The following YWHAG variants were observed in gnomAD, a reference collection of about 807,000 sequenced individuals.
YWHAG encodes tyrosine 3-monooxygenase/tryptophan 5-monooxygenase activation protein gamma, also known as 14-3-3 protein gamma.
YWHAG carries 1 observed loss-of-function variant against 23.3 expected under a neutral mutation model. That is an observed-to-expected ratio of 0.04 (90% confidence interval 0.02 to 0.20). YWHAG has a LOEUF of 0.20. Among genes scored for constraint, YWHAG ranks in the 10% least tolerant of loss-of-function variants. YWHAG has a pLI of 1.00. For missense variants in YWHAG, 151 were observed against 338.6 expected (o/e 0.45, Z 4.35); for synonymous variants, 160 against 144.0 (o/e 1.11, Z -0.80).
At chr7:76,358,002 G>A (rs1051899406) in intron 1 of YWHAG, among the ~76,000 whole-genome samples, 1 of 152,210 alleles carries the variant, frequency 6.6e-6, no homozygotes, top group African/African-American at 2.4e-5. Context: ...GAATAAAATG[G>A]AGATGACATG....
chr7:76,335,985 A>G (rs900836958), intron 1 of YWHAG, among the ~76,000 whole-genome samples: 1 of 152,142 alleles, frequency 6.6e-6, no homozygotes, highest in African/African-American at 2.4e-5. Context: ...TTATGAATGC[A>G]ACTTTGCATT....
intron 1 of YWHAG, among the ~76,000 whole-genome samples, chr7:76,334,717 T>C (rs930811136): frequency 4.7e-5 from 7 of 148,258 alleles, no homozygotes; most frequent in Non-Finnish European, 1.0e-4. Context: ...TGCCTAACCT[T>C]CTTCTTCTTT....
intron 1 of YWHAG, among the ~76,000 whole-genome samples, chr7:76,351,255 TTCCAAGA>T: frequency 6.6e-6 from 1 of 152,290 alleles, no homozygotes; most frequent in East Asian, 1.9e-4. Context: ...AGGCATGGCA[TTCCAAGA>T]TCCAAGATAT....
chr7:76,331,875 G>A (rs1245121796), intron 1 of YWHAG, among the ~76,000 whole-genome samples: 1 of 151,962 alleles, frequency 6.6e-6, no homozygotes. Context: ...TTATAAACGG[G>A]GGGTATGCTT....
intron 1 of YWHAG, among the ~76,000 whole-genome samples, chr7:76,344,173 C>T (rs1450359232): frequency 3.9e-5 from 6 of 152,060 alleles, no homozygotes; most frequent in African/African-American, 7.2e-5. Flanking sequence ...TGCAGTGGTG[C>T]GATATCGGCT....
At chr7:76,342,752 A>C (rs1387668647) in intron 1 of YWHAG, among the ~76,000 whole-genome samples, 1 of 152,132 alleles carries the variant, frequency 6.6e-6, no homozygotes, top group Non-Finnish European at 1.5e-5. Context: ...CAAACTAGTG[A>C]CTATTTCTAA....
At chr7:76,342,990 A>G (rs950170233) in intron 1 of YWHAG, among the ~76,000 whole-genome samples, 3 of 152,092 alleles carry the variant, frequency 2.0e-5, no homozygotes, top group African/African-American at 4.8e-5. Context: ...TACAAAAATT[A>G]GCTGGGTGTG....
chr7:76,339,471 A>T (rs1409779151), intron 1 of YWHAG, among the ~76,000 whole-genome samples: 1 of 152,224 alleles, frequency 6.6e-6, no homozygotes, highest in East Asian at 1.9e-4. Flanking sequence ...TTACATCTCA[A>T]AAAATACATA....
intron 1 of YWHAG, among the ~76,000 whole-genome samples, chr7:76,354,316 G>A (rs1803918323): frequency 6.6e-6 from 1 of 152,044 alleles, no homozygotes; most frequent in African/African-American, 2.4e-5. Flanking sequence ...TTCGAGCTCA[G>A]CCTGGCCAAC....
chr7:76,336,392 G>T (rs1213813625), intron 1 of YWHAG, among the ~76,000 whole-genome samples: 6 of 151,756 alleles, frequency 4.0e-5, no homozygotes, highest in Admixed American at 6.6e-5. Context: ...GGGGCAGGGG[G>T]TATATGGGAA....
intron 1 of YWHAG, among the ~76,000 whole-genome samples, chr7:76,349,477 T>C (rs1015612783): frequency 2.0e-5 from 3 of 146,778 alleles, no homozygotes; most frequent in Non-Finnish European, 4.5e-5. Flanking sequence ...AGCCAGATGA[T>C]GAAAAGAGAA....
chr7:76,341,404 CAAAAA>C (rs1158151013), intron 1 of YWHAG, among the ~76,000 whole-genome samples: 8 of 44,664 alleles, frequency 1.8e-4, no homozygotes, highest in East Asian at 7.7e-4. Context: ...ACTCTTGCCT[CAAAAA>C]AAAAAAAAAA....
At chr7:76,336,023 G>A (rs1021746746) in intron 1 of YWHAG, among the ~76,000 whole-genome samples, 1 of 152,108 alleles carries the variant, frequency 6.6e-6, no homozygotes, top group African/African-American at 2.4e-5. Context: ...ACTCCTCGGG[G>A]CTCAAGCAAT....
Position 76,329,446 on chromosome 7 carries a change from G to A in YWHAG, c.*131C>T. The A allele has an allele frequency of 8.4e-7, 1 of 1,187,628 alleles. No individual in the cohort carries two copies. The highest frequency in any genetic ancestry group is 1.1e-6 in the Non-Finnish European group (1 of 870,984). The allele number at this position is 1,187,628 out of a possible 1,614,324, so 73.6% of individuals were successfully genotyped here. A position where few individuals can be genotyped will look rare whatever the true frequency, so the allele number is the denominator to read the frequency against. On this transcript the variant is annotated 3_prime_UTR_variant, in exon 2 of 2. Coordinates refer to ENST00000307630, the MANE Select transcript of YWHAG (RefSeq NM_012479.4). The surrounding 1 kb of genome is among the most constrained non-coding windows in gnomAD (Gnocchi z 6.1). Reference sequence around the variant, plus strand: ...AATGTCAAAGAGGCGATCAAAGACAGGACAGGTCGTGGGTTTCTCCCTGGG... The same window carrying A: ...AATGTCAAAGAGGCGATCAAAGACAAGACAGGTCGTGGGTTTCTCCCTGGG...
chr7:76,348,265 GTTT>G lies in YWHAG; in HGVS notation c.87+10454_87+10456del, dbSNP rs201085040. On this transcript the variant is annotated intron_variant, in intron 1 of 1. Transcript: ENST00000307630. ...ACTTAAAACAAGAGCCTTAGACTTC[GTTT>G]TTTTTTTTTTTTTTTGGAGATAGCG... Among the ~76,000 whole-genome samples, 1,113 of 127,344 alleles carry G rather than the reference GTTT, an allele frequency of 8.7e-3. 10 individuals carry two copies. Among genetic ancestry groups the G allele is most frequent in the African/African-American group, 0.025 (823 of 33,160 alleles). The allele number at this position is 127,344 out of a possible 152,430, so 83.5% of individuals were successfully genotyped here. A position where few individuals can be genotyped will look rare whatever the true frequency, so the allele number is the denominator to read the frequency against.
intron 1 of YWHAG, among the ~76,000 whole-genome samples, chr7:76,348,059 G>A (rs909514468): frequency 6.6e-6 from 1 of 152,140 alleles, no homozygotes; most frequent in East Asian, 1.9e-4. Flanking sequence ...TTTAAACCTA[G>A]ATGACACGCC....
intron 1 of YWHAG, among the ~76,000 whole-genome samples, chr7:76,348,820 G>GT (rs1325964661): frequency 1.3e-5 from 2 of 152,032 alleles, no homozygotes; most frequent in Non-Finnish European, 2.9e-5. Flanking sequence ...GAATACAGGC[G>GT]TGAGTCAGCC....
At chr7:76,345,923 A>G (rs1803772908) in intron 1 of YWHAG, among the ~76,000 whole-genome samples, 1 of 152,308 alleles carries the variant, frequency 6.6e-6, no homozygotes, top group African/African-American at 2.4e-5. Context: ...CCTGGGCTAC[A>G]GAGTGAAACT....
At chr7:76,338,269 C>T (rs1427729849) in intron 1 of YWHAG, among the ~76,000 whole-genome samples, 5 of 152,108 alleles carry the variant, frequency 3.3e-5, no homozygotes, top group African/African-American at 1.2e-4. Flanking sequence ...GTTTTTCCAG[C>T]AGCGATCACC....
Sources: allele counts gnomAD v4.1 joint callset (sites outside exome capture counted in the v4.1 genomes callset), GRCh38; gene constraint gnomAD v4.1.1; non-coding constraint Gnocchi (gnomAD v3.1); transcripts MANE v1.5; gene names NCBI Gene and HGNC (gene_info 2026-07-23, HGNC 2026-07-21).